The following GALNT17 variants were observed in gnomAD, a reference collection of about 807,000 sequenced individuals.
GALNT17 encodes the protein polypeptide N-acetylgalactosaminyltransferase 17, also known as UDP-GalNAc:polypeptide N-acetylgalactosaminyltransferase-like 3.
GALNT17 carries 29 observed loss-of-function variants against 63.7 expected under a neutral mutation model. That is an observed-to-expected ratio of 0.46 (90% CI 0.34 to 0.62). The LOEUF is 0.62. Among genes scored for constraint, GALNT17 ranks in the 20% least tolerant of loss-of-function variants. The pLI is 0.01. For missense variants in GALNT17, 603 were observed against 799.6 expected (o/e 0.75, Z 2.97); for synonymous variants, 305 against 318.3 (o/e 0.96, Z 0.45).
At chr7:71,348,072 C>A (rs372933812) in intron 2 of GALNT17, among the ~76,000 whole-genome samples, 150 of 152,134 alleles carry the variant, frequency 9.9e-4, no homozygotes, top group South Asian at 5.2e-3. Context: ...ACCAGCCTGG[C>A]CAACATGGTG....
chr7:71,346,999 C>T (rs1792108031), intron 2 of GALNT17, among the ~76,000 whole-genome samples: 1 of 151,882 alleles, frequency 6.6e-6, no homozygotes, highest in Non-Finnish European at 1.5e-5. Flanking sequence ...TAGGAAATGT[C>T]TTACCATAGA....
intron 5 of GALNT17, among the ~76,000 whole-genome samples, chr7:71,424,350 G>A (rs545799719): frequency 6.6e-6 from 1 of 152,292 alleles, no homozygotes; most frequent in East Asian, 1.9e-4. Flanking sequence ...CTCCAGCCAG[G>A]ACAGATAACA....
chr7:71,473,908 G>C (rs1787682402), intron 5 of GALNT17, among the ~76,000 whole-genome samples: 1 of 152,194 alleles, frequency 6.6e-6, no homozygotes, highest in Non-Finnish European at 1.5e-5. Context: ...AGTCCAAGGA[G>C]TAAAGTAAAA....
chr7:71,401,259 G>C (rs1384396040), intron 3 of GALNT17, among the ~76,000 whole-genome samples: 4 of 151,772 alleles, frequency 2.6e-5, no homozygotes, highest in Admixed American at 6.6e-5. Flanking sequence ...ACCACACCTG[G>C]CTAATTTTAA....
intron 6 of GALNT17, among the ~76,000 whole-genome samples, chr7:71,626,551 T>A (rs1790379406): frequency 1.3e-5 from 2 of 152,200 alleles, no homozygotes; most frequent in African/African-American, 4.8e-5. Flanking sequence ...CTCTTTGTTT[T>A]CAAGATAATT....
chr7:71,431,793 A>G (rs1786872240), intron 5 of GALNT17, among the ~76,000 whole-genome samples: 1 of 152,160 alleles, frequency 6.6e-6, no homozygotes, highest in Non-Finnish European at 1.5e-5. Context: ...GCCCACTGTC[A>G]TGTTTCATGA....
chr7:71,355,446 A>G (rs1792265675), intron 2 of GALNT17, among the ~76,000 whole-genome samples: 1 of 152,198 alleles, frequency 6.6e-6, no homozygotes, highest in African/African-American at 2.4e-5. Flanking sequence ...CACTCAAGAC[A>G]GGTTTAGTAG....
chr7:71,362,223 G>A, intron 2 of GALNT17, among the ~76,000 whole-genome samples: 1 of 152,184 alleles, frequency 6.6e-6, no homozygotes, highest in East Asian at 1.9e-4. Flanking sequence ...CTCCCAAAAT[G>A]TTGGGATTAT....
intron 5 of GALNT17, among the ~76,000 whole-genome samples, chr7:71,522,033 T>C (rs1433132002): frequency 6.6e-6 from 1 of 152,164 alleles, no homozygotes; most frequent in Non-Finnish European, 1.5e-5. Flanking sequence ...GCCAAGGTCA[T>C]TGAGCTAATT....
intron 5 of GALNT17, among the ~76,000 whole-genome samples, chr7:71,521,463 A>G (rs1385994960): frequency 6.6e-6 from 1 of 152,170 alleles, no homozygotes; most frequent in Admixed American, 6.5e-5. Context: ...GCCTGGAGAC[A>G]CGTCTTTGTA....
chr7:71,666,733 C>G (rs1330056075), intron 7 of GALNT17, among the ~76,000 whole-genome samples: 1 of 152,178 alleles, frequency 6.6e-6, no homozygotes, highest in East Asian at 1.9e-4. Context: ...CTTTTTATGG[C>G]TGAATCATCT....
rs1329762489 is a variant in GALNT17 at position 71,665,444 on chromosome 7, C to G, written c.1114C>G (p.Pro372Ala). The change falls in exon 7 of 11, where the codon CCT becomes GCT. Residue 372 changes from proline (P) to alanine (A), a missense_variant. By Grantham distance (27) the Pro-to-Ala change is conservative (BLOSUM62 -1). Coordinates refer to ENST00000333538, the MANE Select transcript of GALNT17 (RefSeq NM_022479.3). ...WLCGGSMEVL[P>A]CSRVAHIERK... Reference sequence around the variant, plus strand: ...CTGTGGGGGCAGCATGGAGGTCCTTCCTTGCTCACGGGTGGCCCACATTGA... The same window carrying G: ...CTGTGGGGGCAGCATGGAGGTCCTTGCTTGCTCACGGGTGGCCCACATTGA... 6.2e-7 allele frequency: 1 copy of G among 1,612,502 alleles called. No homozygotes were observed. Among genetic ancestry groups the G allele is most frequent in the East Asian group, 2.2e-5 (1 of 44,848 alleles).
intron 5 of GALNT17, among the ~76,000 whole-genome samples, chr7:71,533,036 C>T (rs1212950721): frequency 1.3e-5 from 2 of 152,050 alleles, no homozygotes; most frequent in African/African-American, 4.8e-5. Flanking sequence ...AACACTCAGA[C>T]GAAGAAATTT....
chr7:71,372,881 A>C (rs962968931), intron 2 of GALNT17, among the ~76,000 whole-genome samples: 5 of 152,204 alleles, frequency 3.3e-5, no homozygotes, highest in Admixed American at 2.0e-4. Flanking sequence ...GGTAGCATAC[A>C]AGAAAGGGAT....
At chr7:71,529,890 A>T (rs1788685974) in intron 5 of GALNT17, among the ~76,000 whole-genome samples, 1 of 152,208 alleles carries the variant, frequency 6.6e-6, no homozygotes, top group Admixed American at 6.5e-5. Flanking sequence ...AGAGTTGTTT[A>T]AGTTTGACTC....
intron 9 of GALNT17, among the ~76,000 whole-genome samples, chr7:71,704,155 G>A (rs181650138): frequency 6.6e-6 from 1 of 152,166 alleles, no homozygotes; most frequent in Admixed American, 6.5e-5. Flanking sequence ...CTGTAGTTCA[G>A]AGTGACCATG....
chr7:71,219,219 C>T (rs548093393), intron 1 of GALNT17, among the ~76,000 whole-genome samples: 27 of 152,262 alleles, frequency 1.8e-4, no homozygotes, highest in Non-Finnish European at 1.5e-5. Context: ...GGTAATTCTT[C>T]CAAGGGGGTG....
At chr7:71,639,931 G>A (rs779777947) in intron 6 of GALNT17, among the ~76,000 whole-genome samples, 11 of 152,144 alleles carry the variant, frequency 7.2e-5, no homozygotes, top group Non-Finnish European at 1.5e-4. Flanking sequence ...AGCACCATTT[G>A]CTCTGAATAA....
chr7:71,707,564 G>A (rs1410318341), intron 9 of GALNT17, among the ~76,000 whole-genome samples: 5 of 152,118 alleles, frequency 3.3e-5, no homozygotes, highest in Admixed American at 1.3e-4. Flanking sequence ...TATTGCTCAC[G>A]AGTCTACAGG....
Sources: gnomAD v4.1 joint callset for allele counts (sites outside exome capture counted in the v4.1 genomes callset) on GRCh38, gnomAD v4.1.1 for gene constraint, MANE v1.5 for transcripts, NCBI Gene and HGNC (gene_info 2026-07-23, HGNC 2026-07-21) for gene names.